Variants in MYBPC2 observed in about 807,000 individuals in gnomAD.
The protein encoded by MYBPC2 is myosin binding protein C2.
In MYBPC2, 122 loss-of-function variants were observed where a neutral mutation model predicts 137.0. The observed-to-expected ratio is 0.89, with a 90% CI of 0.77 to 1.03. The LOEUF (loss-of-function observed/expected upper bound fraction) is 1.03, where lower values mean the gene tolerates loss of function less well. MYBPC2 is among the 50% of genes least tolerant of loss of function. MYBPC2 has a pLI of 0.00. For missense variants in MYBPC2, 1,500 were observed against 1,534.4 expected, an observed-to-expected ratio of 0.98 and a Z score of 0.37; for synonymous variants, 626 against 612.3, an observed-to-expected ratio of 1.02 and a Z score of -0.33.
chr19:50,459,379 G>T, intron 23 of MYBPC2, 73 bp downstream of exon 23: 1 of 909,814 alleles, frequency 1.1e-6, no homozygotes, highest in Non-Finnish European at 1.6e-6. Context: ...GGAGGTAAGA[G>T]ATGAGGGGTG....
chr19:50,448,323 G>A lies in MYBPC2; in HGVS notation c.1405G>A (p.Gly469Ser). ...KCEVSDEKVT[G>S]KWYKNGVEVR... ...CGAGGTGTCTGATGAGAAAGTGACG[G>A]GCAAGTGGTATAAGAATGGGGTCGA... The change falls in exon 13 of 28, where the codon GGC becomes AGC. Residue 469 changes from glycine to serine, a missense_variant. Gly to Ser is a moderately conservative substitution (Grantham distance 56). Transcript: ENST00000357701. 1.2e-6 allele frequency: 2 copies of A among 1,613,938 alleles called. No homozygotes were observed. Among genetic ancestry groups the A allele is most frequent in the Admixed American group, 3.3e-5 (2 of 60,010 alleles).
In MYBPC2 at chr19:50,458,624, G is replaced by C. The variant is rs1191223540; in HGVS notation, c.2376G>C (p.Glu792Asp). The C allele has an allele frequency of 6.2e-7, 1 of 1,612,864 alleles. No homozygotes were observed. Among genetic ancestry groups the C allele is most frequent in the South Asian group, 1.1e-5 (1 of 91,084 alleles). The stretch of plus-strand genomic sequence containing the variant: ...TCCCTGCCAACACCGAGCCCGTGGA[G>C]CGCTGTGGCTTCACCGTCAAGAATC... ...EWVPANTEPV[E>D]RCGFTVKNLP... is the part of the protein sequence containing the mutation. The change falls in exon 21 of 28, where the codon GAG (glutamate) becomes GAC (aspartate). Residue 792 changes from glutamate to aspartate, a missense_variant. Physicochemically the swap from Glu to Asp is conservative, Grantham distance 45 (BLOSUM62 2). Coordinates refer to ENST00000357701, the MANE Select transcript of MYBPC2 (RefSeq NM_004533.4).
intron 4 of MYBPC2, 55 bp from the exon 5 acceptor site, chr19:50,436,562 T>C (rs2039705356): frequency 6.2e-6 from 9 of 1,445,270 alleles, no homozygotes; most frequent in Non-Finnish European, 8.7e-6. Context: ...CTGAGGAATA[T>C]GGGGTGGCTC....
chr19:50,463,577 G>A (rs972407026), intron 26 of MYBPC2, among the ~76,000 whole-genome samples: 1 of 152,066 alleles, frequency 6.6e-6, no homozygotes, highest in East Asian at 1.9e-4. Context: ...TGGGTGATTC[G>A]AACAAGAAAT....
chr19:50,464,540 C>A lies in MYBPC2; in HGVS notation c.3415+8C>A. 1 of 1,595,910 alleles carries A rather than the reference C, an allele frequency of 6.3e-7. No homozygotes were observed. Among genetic ancestry groups the A allele is most frequent in the Admixed American group, 1.7e-5 (1 of 58,502 alleles). On this transcript the variant is annotated splice_region_variant and intron_variant, in intron 27 of 27. Coordinates refer to ENST00000357701, the MANE Select transcript of MYBPC2 (RefSeq NM_004533.4). ...GCAAGCTGGAGGTCCGAGGTGAGGGCGTGGCCATCCCCAACACTGGCTGAC... is the reference window on the plus strand; with the variant it reads ...GCAAGCTGGAGGTCCGAGGTGAGGGAGTGGCCATCCCCAACACTGGCTGAC...
In MYBPC2 at chr19:50,436,043, C is replaced by T. The variant is rs527587589; in HGVS notation, c.228C>T (p.Asn76=). 1.9e-5 allele frequency: 30 copies of T among 1,584,004 alleles called. No individual in the cohort carries two copies. Among genetic ancestry groups the T allele is most frequent in the East Asian group, 4.6e-5 (2 of 43,240 alleles). ...GKDAVVVAKV[N]GKELPDKPTI... is the part of the protein sequence containing the mutation. ...ACGCAGTGGTCGTGGCCAAGGTGAA[C>T]GGGAAGGAGCTCCCAGACAAACCGA... The change falls in exon 4 of 28, where the codon AAC becomes AAT. Residue 76 remains asparagine, a synonymous_variant. Transcript: ENST00000357701.
At chr19:50,456,333 C>T (rs560266425) in intron 20 of MYBPC2, among the ~76,000 whole-genome samples, 85 of 151,134 alleles carry the variant, frequency 5.6e-4, no homozygotes, top group Non-Finnish European at 1.0e-3. Flanking sequence ...TCCATCCATC[C>T]GTCTGTCCAT....
At position 50,439,611 on chromosome 19, in the gene MYBPC2, G is replaced by A. The variant is rs1601282440; in HGVS notation, c.573-1269G>A. Among the ~76,000 whole-genome samples the A allele has an allele frequency of 2.8e-5, 4 of 142,764 alleles. No individual in the cohort carries two copies. In the South Asian group the frequency reaches 9.8e-4, roughly 35 times the overall value. 93.7% of individuals were successfully genotyped at this position (142,764 alleles called of 152,430 possible). ...GAGGCCTCCCGTCTACTAGGTCCTG[G>A]GCTGAGATCCATGCATTCACTCACT... On this transcript the variant is annotated intron_variant, in intron 7 of 27. Coordinates refer to ENST00000357701, the MANE Select transcript of MYBPC2 (RefSeq NM_004533.4).
At position 50,448,265 on chromosome 19, in the gene MYBPC2, G is replaced by A. The variant is rs751107138; in HGVS notation, c.1347G>A (p.Thr449=). 38 of 1,613,688 alleles carry A rather than the reference G, an allele frequency of 2.4e-5. No homozygotes were observed. The South Asian group carries it at 2.7e-4, about 12-fold the overall frequency. ...LEVLQDIADL[T]VKASEQAVFK... is the part of the protein sequence containing the mutation. ...TCCTGCAGGACATCGCGGATCTGAC[G>A]GTGAAGGCCTCAGAACAAGCTGTGT... The change falls in exon 13 of 28, where the codon ACG becomes ACA. Residue 449 remains threonine (T), a synonymous_variant. Transcript: ENST00000357701.
At chr19:50,436,477 G>T (rs909887720) in intron 4 of MYBPC2, 140 bp from the exon 5 acceptor site, 6 of 803,432 alleles carry the variant, frequency 7.5e-6, no homozygotes, top group Admixed American at 5.4e-5. Context: ...ACCAGGTGCT[G>T]AGACCCCTCT....
chr19:50,458,962 A>C lies in MYBPC2; in HGVS notation c.2551A>C (p.Ile851Leu). ...RLPRHLRQTYIRKVGEQLNLV... is the reference protein window; with the variant it reads ...RLPRHLRQTYLRKVGEQLNLV... ...TCCCCGCCATCTCCGCCAGACCTAC[A>C]TCCGCAAAGTGGGCGAGCAGCTCAA... Residue 851 changes from isoleucine (I) to leucine (L), a missense_variant, in exon 22 of 28, where the codon ATC (isoleucine) becomes CTC (leucine). By Grantham distance (5) the Ile-to-Leu change is conservative. Coordinates refer to ENST00000357701, the MANE Select transcript of MYBPC2 (RefSeq NM_004533.4). 1 of 1,612,526 alleles carries C rather than the reference A, an allele frequency of 6.2e-7. No homozygotes were observed. Among genetic ancestry groups the C allele is most frequent in the East Asian group, 2.2e-5 (1 of 44,822 alleles).
chr19:50,451,258 T>A, intron 14 of MYBPC2, 22 bp from the exon 15 acceptor site: 1 of 1,613,450 alleles, frequency 6.2e-7, no homozygotes, highest in Non-Finnish European at 8.5e-7. Context: ...GACCTAACTG[T>A]CCAGTCTTCT....
Position 50,445,867 on chromosome 19 carries a change from C to A in MYBPC2, c.1134-13C>A. Reference sequence around the variant, plus strand: ...TGTCTCCTCACATCCCGTTCTGTGTCTCACCCACCTAGGATGAAAGATGGT... The same window carrying A: ...TGTCTCCTCACATCCCGTTCTGTGTATCACCCACCTAGGATGAAAGATGGT... On this transcript the variant is annotated splice_polypyrimidine_tract_variant and intron_variant, in intron 11 of 27. Transcript: ENST00000357701. 2 of 1,596,576 alleles carry A rather than the reference C, an allele frequency of 1.3e-6. No homozygotes were observed. Among genetic ancestry groups the A allele is most frequent in the South Asian group, 1.1e-5 (1 of 88,004 alleles).
rs553458297 is a variant in MYBPC2 at position 50,465,011 on chromosome 19, C to T, written c.3415+479C>T. ...CTCGGTCCCACAGCTCCAGCCCCAG[C>T]GAAAGCTACATCCTCTTCCTCCCAT... is the stretch of plus-strand genomic sequence containing the variant. On this transcript the variant is annotated intron_variant, in intron 27 of 27. Transcript: ENST00000357701. This position sits in a 1 kb window ranked among gnomAD's most constrained non-coding sequence, Gnocchi z 4.5. Among the ~76,000 whole-genome samples the T allele has an allele frequency of 6.6e-6, 1 of 152,130 alleles. No homozygotes were observed. Among genetic ancestry groups the T allele is most frequent in the East Asian group, 1.9e-4 (1 of 5,150 alleles).
At chr19:50,460,998 C>T (rs56245721) in intron 24 of MYBPC2, among the ~76,000 whole-genome samples, 1 of 144,524 alleles carries the variant, frequency 6.9e-6, no homozygotes, top group Non-Finnish European at 1.5e-5. Context: ...GCCTTTATTT[C>T]TTTTAAATTT....
In MYBPC2 at chr19:50,443,804, C is replaced by T. The variant is rs761992019; in HGVS notation, c.1121C>T (p.Ala374Val). ...EMAVEVSEEG[A>V]QVMWMKDGVE... The stretch of plus-strand genomic sequence containing the variant: ...GCAGTGGAGGTGTCAGAAGAGGGTG[C>T]CCAGGTGATGTGGTAAGTGACCCTT... Residue 374 changes from alanine (A) to valine (V), a missense_variant, in exon 11 of 28, where the codon GCC (alanine) becomes GTC (valine). By Grantham distance (64) the Ala-to-Val change is moderately conservative. Coordinates refer to ENST00000357701, the MANE Select transcript of MYBPC2 (RefSeq NM_004533.4). The T allele has an allele frequency of 6.2e-7, 1 of 1,613,486 alleles. No individual in the cohort carries two copies. Among genetic ancestry groups the T allele is most frequent in the Admixed American group, 1.7e-5 (1 of 59,976 alleles).
Position 50,466,064 on chromosome 19 carries a change from G to T in MYBPC2, c.3416-131G>T. 7.7e-7 allele frequency: 1 copy of T among 1,295,996 alleles called. No homozygotes were observed. 80.3% of individuals were successfully genotyped at this position (1,295,996 alleles called of 1,614,324 possible). A position where few individuals can be genotyped will look rare whatever the true frequency, so the allele number is the denominator to read the frequency against. The stretch of plus-strand genomic sequence containing the variant: ...GACTCTGGGTTGTCCAGCCACAGTG[G>T]CCTAGGATGGGGCGGGATGGTGACC... On this transcript the variant is annotated intron_variant, in intron 27 of 27. Coordinates refer to ENST00000357701, the MANE Select transcript of MYBPC2 (RefSeq NM_004533.4). This position sits in a 1 kb window ranked among gnomAD's most constrained non-coding sequence, Gnocchi z 4.9.
rs751682146 is a variant in MYBPC2, at chr19:50,458,785, G to A, written c.2506+31G>A. On this transcript the variant is annotated intron_variant, in intron 21 of 27. Coordinates refer to ENST00000357701, the MANE Select transcript of MYBPC2 (RefSeq NM_004533.4). ...TGGCCCCTGACCCTGCGCTCCGAAAGACCAAGCTGGCGTCGTCCCGCCTGC... is the reference window on the plus strand; with the variant it reads ...TGGCCCCTGACCCTGCGCTCCGAAAAACCAAGCTGGCGTCGTCCCGCCTGC... 7.5e-6 allele frequency: 12 copies of A among 1,605,040 alleles called. No homozygotes were observed. The East Asian group carries it at 2.7e-4, about 36-fold the overall frequency.
chr19:50,442,573 G>A (rs534724758), intron 9 of MYBPC2, among the ~76,000 whole-genome samples: 5 of 151,698 alleles, frequency 3.3e-5, no homozygotes, highest in African/African-American at 9.7e-5. Flanking sequence ...AAAATTAGCC[G>A]GGTGTGGTGG....
Sources: allele counts gnomAD v4.1 joint callset (sites outside exome capture counted in the v4.1 genomes callset), GRCh38; gene constraint gnomAD v4.1.1; non-coding constraint Gnocchi (gnomAD v3.1); transcripts MANE v1.5; gene names NCBI Gene and HGNC (gene_info 2026-07-23, HGNC 2026-07-21).